The following ANXA4 variants were observed in gnomAD, a reference collection of about 807,000 sequenced individuals.
ANXA4 encodes the protein annexin A4, also known as 35-beta calcimedin.
ANXA4 carries 39 observed loss-of-function variants against 49.8 expected under a neutral mutation model. That is an observed-to-expected ratio of 0.78 (90% confidence interval 0.61 to 1.02). The LOEUF (loss-of-function observed/expected upper bound fraction) is 1.02. Ranked by LOEUF, ANXA4 falls within the 50% of genes least tolerant of loss-of-function variation. The pLI, the probability that ANXA4 is intolerant of heterozygous loss-of-function variation, is 0.00. For synonymous variants in ANXA4, 134 were observed against 152.5 expected (o/e 0.88, Z 0.89); for missense variants, 360 against 410.1 (o/e 0.88, Z 1.05).
intron 1 of ANXA4, among the ~76,000 whole-genome samples, chr2:69,776,035 G>A (rs887170975): frequency 6.6e-6 from 1 of 151,484 alleles, no homozygotes; most frequent in African/African-American, 2.4e-5. Context: ...GTGCAGTGGT[G>A]CAATCTTGGT....
At chr2:69,699,489 A>C (rs181919395) in intron 2 of ANXA4, among the ~76,000 whole-genome samples, 23 of 152,212 alleles carry the variant, frequency 1.5e-4, no homozygotes, top group Admixed American at 8.5e-4. Context: ...AAAATGAGAA[A>C]TAAATAAGCC....
chr2:69,689,490 C>T (rs751798863), intron 2 of ANXA4, among the ~76,000 whole-genome samples: 1 of 152,026 alleles, frequency 6.6e-6, no homozygotes, highest in Non-Finnish European at 1.5e-5. Context: ...TCAAAGACAT[C>T]AATAAAATTA....
At chr2:69,780,195 T>A (rs1331135484) in intron 1 of ANXA4, among the ~76,000 whole-genome samples, 1 of 152,126 alleles carries the variant, frequency 6.6e-6, no homozygotes, top group Non-Finnish European at 1.5e-5. Flanking sequence ...TTCTGCTTTT[T>A]TTCTATCTCT....
At chr2:69,643,996 C>T (rs546198382), upstream of ANXA4, 1 of 644,438 alleles carries the variant, frequency 1.6e-6, no homozygotes, top group African/African-American at 1.9e-5. Flanking sequence ...GGAAAGGTAG[C>T]TCGGCACAGT....
In ANXA4 at chr2:69,773,273, G is replaced by T. The variant is rs944955234; in HGVS notation, c.-46-8247G>T. The stretch of plus-strand genomic sequence containing the variant: ...AGATGTCTTTCCACTTCTTGATGTG[G>T]TAAAAAGGAGTGGAATGTTCATATT... On this transcript the variant is annotated intron_variant, in intron 1 of 12. Coordinates refer to ENST00000394295, the MANE Select transcript of ANXA4 (RefSeq NM_001153.5). Among the ~76,000 whole-genome samples the T allele has an allele frequency of 2.0e-5, 3 of 152,260 alleles. No individual in the cohort carries two copies. In the East Asian group the frequency reaches 5.8e-4, roughly 29 times the overall value.
chr2:69,725,305 T>C (rs1326144498), intron 3 of ANXA4, among the ~76,000 whole-genome samples: 1 of 150,868 alleles, frequency 6.6e-6, no homozygotes, highest in Non-Finnish European at 1.5e-5. Context: ...ATCATTTATA[T>C]ATTTAAATGT....
intron 2 of ANXA4, among the ~76,000 whole-genome samples, chr2:69,655,627 A>C (rs1676408722): frequency 6.6e-6 from 1 of 152,154 alleles, no homozygotes; most frequent in Admixed American, 6.6e-5. Context: ...TGGCGATTCC[A>C]AAAGGATCTA....
intron 4 of ANXA4, 93 bp downstream of exon 4, chr2:69,804,720 GT>G: frequency 9.2e-7 from 1 of 1,084,204 alleles, no homozygotes; most frequent in Non-Finnish European, 1.4e-6. Flanking sequence ...GTGACCTTGT[GT>G]TTTAAAAGAT....
At chr2:69,769,000 T>C (rs1671606639) in intron 1 of ANXA4, among the ~76,000 whole-genome samples, 1 of 151,886 alleles carries the variant, frequency 6.6e-6, no homozygotes, top group Admixed American at 6.6e-5. Flanking sequence ...AGTCCACAGG[T>C]GGCACTAGGG....
intron 2 of ANXA4, among the ~76,000 whole-genome samples, chr2:69,703,439 C>A (rs1346827710): frequency 6.6e-6 from 1 of 152,120 alleles, no homozygotes; most frequent in Non-Finnish European, 1.5e-5. Context: ...CCCCACGAGT[C>A]CCCGGCAACC....
chr2:69,758,144 C>T (rs1356374039), intron 1 of ANXA4, among the ~76,000 whole-genome samples: 1 of 152,164 alleles, frequency 6.6e-6, no homozygotes, highest in Non-Finnish European at 1.5e-5. Context: ...TCCGGCATAG[C>T]TGGGATTACA....
chr2:69,774,021 C>T (rs1023110157), intron 1 of ANXA4, among the ~76,000 whole-genome samples: 3 of 152,044 alleles, frequency 2.0e-5, no homozygotes, highest in Non-Finnish European at 4.4e-5. Flanking sequence ...CAGGGTTTCA[C>T]CGTGTTGGCC....
intron 2 of ANXA4, among the ~76,000 whole-genome samples, chr2:69,680,796 G>A (rs536783265): frequency 6.6e-6 from 1 of 152,254 alleles, no homozygotes; most frequent in Admixed American, 6.5e-5. Context: ...TTGATGTAAT[G>A]TATCACATTT....
At chr2:69,806,703 G>C (rs1481056449) in intron 5 of ANXA4, among the ~76,000 whole-genome samples, 1 of 152,200 alleles carries the variant, frequency 6.6e-6, no homozygotes, top group African/African-American at 2.4e-5. Context: ...AACATGGATG[G>C]AGCTGGAGGT....
At chr2:69,762,734 G>A (rs999896099) in intron 1 of ANXA4, among the ~76,000 whole-genome samples, 13 of 152,138 alleles carry the variant, frequency 8.5e-5, no homozygotes, top group Non-Finnish European at 1.6e-4. Context: ...GATGAGGAGG[G>A]CCAGCTATGG....
chr2:69,693,947 A>T (rs1049979701), intron 2 of ANXA4, among the ~76,000 whole-genome samples: 1 of 152,118 alleles, frequency 6.6e-6, no homozygotes, highest in Non-Finnish European at 1.5e-5. Flanking sequence ...GAGAGTTCTC[A>T]GTGGTCCTAA....
In ANXA4 at chr2:69,793,211, T is replaced by A. The variant is rs1016594364; in HGVS notation, c.97+5070T>A. ...AGGTTGCAGTGGGCCAAGATCGCACTACTGCACTCCAGTCTGGCGACAGAG... is the reference window on the plus strand; with the variant it reads ...AGGTTGCAGTGGGCCAAGATCGCACAACTGCACTCCAGTCTGGCGACAGAG... On this transcript the variant is annotated intron_variant, in intron 3 of 12. Coordinates refer to ENST00000394295, the MANE Select transcript of ANXA4 (RefSeq NM_001153.5). Among the ~76,000 whole-genome samples, 4 of 146,518 alleles carry A rather than the reference T, an allele frequency of 2.7e-5. 1 individual carries two copies. The highest frequency in any genetic ancestry group is 1.4e-4 in the Admixed American group (2 of 13,894).
intron 6 of ANXA4, chr2:69,810,162 C>T (rs911568740): frequency 6.2e-6 from 1 of 161,912 alleles, no homozygotes; most frequent in Non-Finnish European, 1.4e-5. Context: ...AGTTCACGAC[C>T]AGCCTGGCCA....
intron 12 of ANXA4, among the ~76,000 whole-genome samples, chr2:69,822,659 A>C (rs956645421): frequency 1.3e-5 from 2 of 152,240 alleles, no homozygotes; most frequent in Non-Finnish European, 1.5e-5. Context: ...AATAAATCAG[A>C]CACAAACGGA....
Sources: gnomAD v4.1 joint callset for allele counts (sites outside exome capture counted in the v4.1 genomes callset) on GRCh38, gnomAD v4.1.1 for gene constraint, MANE v1.5 for transcripts, NCBI Gene and HGNC (gene_info 2026-07-23, HGNC 2026-07-21) for gene names.